The following CNBD1 variants were observed in gnomAD, a reference collection of about 807,000 sequenced individuals.
CNBD1 encodes cyclic nucleotide-binding domain-containing protein 1.
A neutral mutation model predicts 54.4 loss-of-function variants in CNBD1; 71 were observed. The observed-to-expected ratio is 1.30, with a 90% CI of 1.08 to 1.59. CNBD1 has a LOEUF of 1.59. Ranked by LOEUF, CNBD1 falls within the 40% of genes most tolerant of loss-of-function variation. The pLI is 0.00. For synonymous variants in CNBD1, 182 were observed against 170.7 expected, an observed-to-expected ratio of 1.07 and a Z score of -0.51; for missense variants, 659 against 518.0, an observed-to-expected ratio of 1.27 and a Z score of -2.64.
At chr8:86,965,822 A>T (rs564430136) in intron 4 of CNBD1, among the ~76,000 whole-genome samples, 2 of 152,300 alleles carry the variant, frequency 1.3e-5, no homozygotes, top group South Asian at 4.1e-4. Flanking sequence ...GACCTGCAGC[A>T]GGTAGCTCCT....
At chr8:87,104,372 A>G (rs1811491363) in intron 4 of CNBD1, among the ~76,000 whole-genome samples, 1 of 152,254 alleles carries the variant, frequency 6.6e-6, no homozygotes, top group Non-Finnish European at 1.5e-5. Context: ...AATAAATAGA[A>G]GTAAAAGCAA....
chr8:86,933,127 A>T (rs976069052), intron 3 of CNBD1, among the ~76,000 whole-genome samples: 1 of 152,186 alleles, frequency 6.6e-6, no homozygotes, highest in Non-Finnish European at 1.5e-5. Flanking sequence ...CTCACTTCTT[A>T]TCATATGGAT....
intron 2 of CNBD1, among the ~76,000 whole-genome samples, chr8:87,391,120 T>G (rs1811300914): frequency 6.6e-6 from 1 of 152,018 alleles, no homozygotes; most frequent in South Asian, 2.1e-4. Context: ...AGGGATAGCA[T>G]TAGGATATAT....
intron 4 of CNBD1, among the ~76,000 whole-genome samples, chr8:86,973,997 T>G (rs1808282618): frequency 1.3e-5 from 2 of 152,138 alleles, no homozygotes; most frequent in South Asian, 4.1e-4. Flanking sequence ...TAATAAAAAT[T>G]TAATCTTCTA....
chr8:87,120,727 G>T (rs1811872567), intron 4 of CNBD1, among the ~76,000 whole-genome samples: 1 of 151,636 alleles, frequency 6.6e-6, no homozygotes, highest in African/African-American at 2.4e-5. Flanking sequence ...CACTGTTTTT[G>T]CTGTATCTCA....
intron 4 of CNBD1, among the ~76,000 whole-genome samples, chr8:86,948,947 G>A (rs1035370678): frequency 6.6e-6 from 1 of 152,144 alleles, no homozygotes; most frequent in Non-Finnish European, 1.5e-5. Flanking sequence ...GGGAGAAATA[G>A]GGGTCTAGTT....
At chr8:86,939,050 T>C (rs1408195046) in intron 3 of CNBD1, among the ~76,000 whole-genome samples, 1 of 152,192 alleles carries the variant, frequency 6.6e-6, no homozygotes, top group Non-Finnish European at 1.5e-5. Context: ...TTAATAGAAA[T>C]GCTTAATTCT....
chr8:87,376,392 T>C (rs1810937155), intron 10 of CNBD1, among the ~76,000 whole-genome samples: 1 of 151,844 alleles, frequency 6.6e-6, no homozygotes, highest in Non-Finnish European at 1.5e-5. Flanking sequence ...CAGCACCTAA[T>C]TACTTGCCAG....
intron 4 of CNBD1, among the ~76,000 whole-genome samples, chr8:87,186,086 C>T (rs1272061771): frequency 6.6e-6 from 1 of 152,080 alleles, no homozygotes; most frequent in Non-Finnish European, 1.5e-5. Context: ...ATGTTTCCAG[C>T]AGGTATTTAA....
chr8:87,377,023 T>C (rs931435901), intron 10 of CNBD1, among the ~76,000 whole-genome samples: 13 of 134,046 alleles, frequency 9.7e-5, no homozygotes, highest in South Asian at 2.2e-4. Context: ...TTTTTTTTCT[T>C]TTTTTTTTTT....
intron 8 of CNBD1, among the ~76,000 whole-genome samples, chr8:87,313,077 C>T (rs1809303062): frequency 6.6e-6 from 1 of 151,970 alleles, no homozygotes; most frequent in African/African-American, 2.4e-5. Flanking sequence ...AATATTAATC[C>T]ACTCTTCACT....
At chr8:87,144,915 G>T (rs1357651397) in intron 4 of CNBD1, among the ~76,000 whole-genome samples, 1 of 151,578 alleles carries the variant, frequency 6.6e-6, no homozygotes, top group African/African-American at 2.4e-5. Flanking sequence ...GAGCTAACCA[G>T]AATGTAATAC....
rs367947397 is a variant in CNBD1 at position 87,424,911 on chromosome 8, AGT to A, written c.214-3632_214-3631del. Among the ~76,000 whole-genome samples, 24 of 152,196 alleles carry A rather than the reference AGT, an allele frequency of 1.6e-4. No individual in the cohort carries two copies. In the South Asian group the frequency reaches 4.1e-3, roughly 26 times the overall value. ...AATTCTCCTGGATAATATCCTGCAG[AGT>A]GTTTTCCAACTTGGTTCCATTCTCC... is the stretch of plus-strand genomic sequence containing the variant. On this transcript the variant is annotated intron_variant, in intron 2 of 7. Transcript: ENST00000521593.
At chr8:86,878,285 G>A (rs555258240) in intron 1 of CNBD1, among the ~76,000 whole-genome samples, 2 of 152,164 alleles carry the variant, frequency 1.3e-5, no homozygotes, top group African/African-American at 4.8e-5. Flanking sequence ...ATTAAATAGT[G>A]GTTATTTTTT....
At chr8:87,107,701 T>G (rs764088371) in intron 4 of CNBD1, among the ~76,000 whole-genome samples, 25 of 148,740 alleles carry the variant, frequency 1.7e-4, no homozygotes, top group Non-Finnish European at 3.3e-4. Context: ...TCTTAAGAAT[T>G]TCTTTTGTTA....
At chr8:87,248,700 T>G (rs896666680) in intron 6 of CNBD1, among the ~76,000 whole-genome samples, 2 of 152,216 alleles carry the variant, frequency 1.3e-5, no homozygotes, top group African/African-American at 2.4e-5. Context: ...TTCTTTTAAA[T>G]ACAACTTTCT....
chr8:87,393,991 C>T (rs1301926113), intron 2 of CNBD1, among the ~76,000 whole-genome samples: 1 of 151,726 alleles, frequency 6.6e-6, no homozygotes, highest in African/African-American at 2.4e-5. Context: ...AGTAAATGAC[C>T]AGTCTGAATG....
At chr8:87,178,929 C>T (rs905097550) in intron 4 of CNBD1, among the ~76,000 whole-genome samples, 7 of 151,392 alleles carry the variant, frequency 4.6e-5, no homozygotes, top group South Asian at 4.1e-4. Flanking sequence ...TTGTTTGAGA[C>T]GGAGTCTCAC....
intron 8 of CNBD1, among the ~76,000 whole-genome samples, chr8:87,329,184 C>T (rs1221826607): frequency 1.3e-5 from 2 of 152,142 alleles, no homozygotes; most frequent in South Asian, 2.1e-4. Context: ...AGACTACCTA[C>T]TGTACTGCCT....
Sources: gnomAD v4.1 joint callset for allele counts (sites outside exome capture counted in the v4.1 genomes callset) on GRCh38, gnomAD v4.1.1 for gene constraint, MANE v1.5 for transcripts, NCBI Gene and HGNC (gene_info 2026-07-23, HGNC 2026-07-21) for gene names.